Variants in CDH20 observed in about 807,000 individuals in gnomAD.
The protein encoded by CDH20 is cadherin-20.
CDH20 carries 29 observed loss-of-function variants against 74.2 expected under a neutral mutation model. The ratio of observed to expected loss-of-function variants is 0.39; its 90% CI spans 0.29 to 0.53. The LOEUF is 0.53. Ranked by LOEUF, CDH20 falls within the 20% of genes least tolerant of loss-of-function variation. CDH20 has a pLI of 0.69. For missense variants in CDH20, 988 were observed against 1,048.3 expected (o/e 0.94, Z 0.79); for synonymous variants, 469 against 405.4 (o/e 1.16, Z -1.88).
Position 61,503,051 on chromosome 18 carries a change from T to C in CDH20, c.760T>C (p.Leu254=). 1 of 1,613,952 alleles carries C rather than the reference T, an allele frequency of 6.2e-7. No homozygotes were observed. The highest frequency in any genetic ancestry group is 8.5e-7 in the Non-Finnish European group (1 of 1,179,876). Reference sequence around the variant, plus strand: ...GGACATGGGAGGGCAGCTTGGAGGATTAGCTGGGACCACAACAGTCAACAT... The same window carrying C: ...GGACATGGGAGGGCAGCTTGGAGGACTAGCTGGGACCACAACAGTCAACAT... The part of the protein sequence containing the change: ...AKDMGGQLGG[L]AGTTTVNITL... Residue 254 remains leucine, a synonymous_variant, in exon 5 of 12, where the codon TTA becomes CTA. Coordinates refer to ENST00000262717, the MANE Select transcript of CDH20 (RefSeq NM_031891.4).
intron 10 of CDH20, among the ~76,000 whole-genome samples, chr18:61,547,231 G>T (rs1172468822): frequency 6.6e-6 from 1 of 152,074 alleles, no homozygotes; most frequent in Non-Finnish European, 1.5e-5. Context: ...GGGAGGCTAA[G>T]GTGGGAGGAT....
At chr18:61,411,133 A>T (rs1466711897) in intron 1 of CDH20, among the ~76,000 whole-genome samples, 1 of 151,636 alleles carries the variant, frequency 6.6e-6, no homozygotes, top group Non-Finnish European at 1.5e-5. Context: ...CGGAAGGCAG[A>T]GCTTGCAGTG....
Position 61,507,401 on chromosome 18 carries a change from A to C in CDH20, c.858A>C (p.Ser286=). 6.2e-7 allele frequency: 1 copy of C among 1,613,968 alleles called. No homozygotes were observed. Among genetic ancestry groups the C allele is most frequent in the Non-Finnish European group, 8.5e-7 (1 of 1,179,944 alleles). ...QKHYQMSVLE[S]APISSTVGRV... ...ATTACCAGATGAGTGTGTTGGAATC[A>C]GCTCCAATTAGCTCCACTGTCGGGA... Residue 286 remains serine, a synonymous_variant, in exon 6 of 12, where the codon TCA becomes TCC. Transcript: ENST00000262717.
At chr18:61,545,278 A>ATT (rs5825448) in intron 10 of CDH20, 134 bp downstream of exon 10, 14 of 483,286 alleles carry the variant, frequency 2.9e-5, no homozygotes, top group African/African-American at 8.8e-5. Flanking sequence ...AATTCAGTGT[A>ATT]TTTTTTTTTT....
At chr18:61,389,064 T>G (rs2144198128) in intron 1 of CDH20, among the ~76,000 whole-genome samples, 1 of 152,242 alleles carries the variant, frequency 6.6e-6, no homozygotes, top group South Asian at 2.1e-4. Flanking sequence ...CACAGCAAAA[T>G]GAAGGCAGGG....
chr18:61,515,807 T>G (rs1309667330), intron 6 of CDH20, among the ~76,000 whole-genome samples: 1 of 146,848 alleles, frequency 6.8e-6, no homozygotes, highest in Non-Finnish European at 1.5e-5. Context: ...AGGGATAGCA[T>G]TGGGAGATAT....
intron 1 of CDH20, among the ~76,000 whole-genome samples, chr18:61,366,621 T>C (rs1352362272): frequency 6.6e-6 from 1 of 152,130 alleles, no homozygotes; most frequent in Non-Finnish European, 1.5e-5. Flanking sequence ...GTAGCTAGCA[T>C]ATCTGATTTT....
At chr18:61,354,472 G>A (rs1023151519) in intron 1 of CDH20, among the ~76,000 whole-genome samples, 2 of 152,100 alleles carry the variant, frequency 1.3e-5, no homozygotes, top group Admixed American at 1.3e-4. Context: ...AGCCGGGCGT[G>A]GTAATAGGCA....
At chr18:61,512,713 CG>C (rs1164442561) in intron 6 of CDH20, among the ~76,000 whole-genome samples, 4 of 151,952 alleles carry the variant, frequency 2.6e-5, no homozygotes, top group African/African-American at 9.7e-5. Flanking sequence ...TCTTTGTTCT[CG>C]TTGGTTTCAA....
chr18:61,416,903 T>A (rs1912704837), intron 1 of CDH20, among the ~76,000 whole-genome samples: 1 of 152,170 alleles, frequency 6.6e-6, no homozygotes, highest in Admixed American at 6.5e-5. Flanking sequence ...CAAACTATGA[T>A]TAAACTATAG....
intron 10 of CDH20, 69 bp from the exon 11 acceptor site, chr18:61,549,909 T>C (rs1913372748): frequency 1.3e-6 from 2 of 1,541,426 alleles, no homozygotes; most frequent in Non-Finnish European, 1.8e-6. Context: ...CCCTGCCCCC[T>C]TGCTTTCCTC....
At chr18:61,336,858 A>C (rs546752793) in intron 1 of CDH20, among the ~76,000 whole-genome samples, 1 of 152,308 alleles carries the variant, frequency 6.6e-6, no homozygotes, top group South Asian at 2.1e-4. Context: ...CCCTAAAAAA[A>C]AAATGTCCAC....
chr18:61,457,393 A>C (rs1005644981), intron 1 of CDH20, among the ~76,000 whole-genome samples: 13 of 152,050 alleles, frequency 8.5e-5, no homozygotes, highest in African/African-American at 3.1e-4. Flanking sequence ...CAACCACCCT[A>C]AAAGTCAGGT....
At chr18:61,552,097 C>CT (rs1355220774) in intron 11 of CDH20, among the ~76,000 whole-genome samples, 3 of 152,098 alleles carry the variant, frequency 2.0e-5, no homozygotes, top group Admixed American at 2.0e-4. Flanking sequence ...ATTCATCAAA[C>CT]TTTAAGATTT....
At chr18:61,468,964 C>G (rs1441555819) in intron 1 of CDH20, among the ~76,000 whole-genome samples, 3 of 152,130 alleles carry the variant, frequency 2.0e-5, no homozygotes, top group Non-Finnish European at 4.4e-5. Context: ...CTCAACAAAT[C>G]CCTTCATAAC....
At chr18:61,404,992 G>A in intron 1 of CDH20, 1 of 709,478 alleles carries the variant, frequency 1.4e-6, no homozygotes, top group South Asian at 1.4e-5. Context: ...CTGTAGTGAT[G>A]GACACCAGTT....
At chr18:61,550,365 T>C (rs1431346171) in intron 11 of CDH20, 136 bp downstream of exon 11, 6 of 1,087,792 alleles carry the variant, frequency 5.5e-6, no homozygotes, top group East Asian at 2.5e-5. Flanking sequence ...AGAGTGAGGC[T>C]GCACAAAAAA....
chr18:61,447,882 G>A (rs1341382997), intron 1 of CDH20, among the ~76,000 whole-genome samples: 1 of 152,010 alleles, frequency 6.6e-6, no homozygotes, highest in African/African-American at 2.4e-5. Flanking sequence ...CCCAACTAAC[G>A]CTTGCTCCTG....
chr18:61,376,594 C>T (rs1911239446), intron 1 of CDH20, among the ~76,000 whole-genome samples: 1 of 151,912 alleles, frequency 6.6e-6, no homozygotes, highest in African/African-American at 2.4e-5. Context: ...ATATGTGAGA[C>T]ACACAAAGAG....
Sources: allele counts gnomAD v4.1 joint callset (sites outside exome capture counted in the v4.1 genomes callset), GRCh38; gene constraint gnomAD v4.1.1; transcripts MANE v1.5; gene names NCBI Gene and HGNC (gene_info 2026-07-23, HGNC 2026-07-21).